Variants in KRABD3 observed in about 807,000 individuals in gnomAD.
KRABD3 encodes KRAB domain-containing protein 3.
At chr7:149,722,987 T>A in the KRABD3 span, 1 of 1,502,872 alleles carries the variant, frequency 6.7e-7, no homozygotes, top group Non-Finnish European at 8.9e-7. Flanking sequence ...CTGAGGTCTC[T>A]GAAGCTTGGT....
chr7:149,726,157 C>T, the KRABD3 span: 2 of 1,133,430 alleles, frequency 1.8e-6, no homozygotes, highest in Non-Finnish European at 1.2e-6. Context: ...ACCCCCATGC[C>T]CGTGCTGGGA....
chr7:149,733,982 C>G, the KRABD3 span: 1 of 1,609,672 alleles, frequency 6.2e-7, no homozygotes, highest in South Asian at 1.1e-5. Flanking sequence ...GGGAGGAGTG[C>G]AGAGGGCCCT....
chr7:149,722,639 G>C, the KRABD3 span: 1 of 1,497,206 alleles, frequency 6.7e-7, no homozygotes, highest in Non-Finnish European at 9.1e-7. Flanking sequence ...CGCCGCCTGG[G>C]CCTGGTGGCA....
At chr7:149,728,817 G>A in the KRABD3 span, 1 of 933,382 alleles carries the variant, frequency 1.1e-6, no homozygotes, top group Non-Finnish European at 1.6e-6. Context: ...TTGGAGGCCA[G>A]AAAGCCAGAT....
At chr7:149,722,472 G>T in the KRABD3 span, 4 of 1,607,834 alleles carry the variant, frequency 2.5e-6, no homozygotes, top group Non-Finnish European at 3.4e-6. Context: ...AGGAGCCCTG[G>T]GCGGGGAGCC....
the KRABD3 span, chr7:149,733,199 G>C: frequency 6.3e-7 from 1 of 1,591,546 alleles, no homozygotes; most frequent in Non-Finnish European, 8.6e-7. Flanking sequence ...CCTTGCTCTG[G>C]TTTTAGCCAA....
the KRABD3 span, chr7:149,721,048 A>T: frequency 6.3e-7 from 1 of 1,587,184 alleles, no homozygotes; most frequent in Non-Finnish European, 8.6e-7. Context: ...ATGATGAAGC[A>T]CAAGTCCACG....
chr7:149,733,310 G>A, the KRABD3 span: 14 of 1,612,416 alleles, frequency 8.7e-6, no homozygotes, highest in Non-Finnish European at 1.2e-5. Flanking sequence ...TGTGTTGCCA[G>A]CCTCCTCCCT....
chr7:149,721,526 C>G, the KRABD3 span: 1 of 1,611,594 alleles, frequency 6.2e-7, no homozygotes, highest in East Asian at 2.2e-5. Context: ...GGGAAGTCCT[C>G]TCCCCATCAG....
At chr7:149,725,441 C>G in the KRABD3 span, 1 of 1,612,532 alleles carries the variant, frequency 6.2e-7, no homozygotes, top group Non-Finnish European at 8.5e-7. Flanking sequence ...CCAGGAGACT[C>G]TAGGTCTCAG....
the KRABD3 span, chr7:149,728,607 C>T: frequency 3.1e-6 from 5 of 1,613,758 alleles, no homozygotes; most frequent in African/African-American, 4.0e-5. Context: ...CCTGCCTGGC[C>T]CTGCTCCTCA....
chr7:149,728,944 C>A, the KRABD3 span, among the ~76,000 whole-genome samples: 1 of 152,230 alleles, frequency 6.6e-6, no homozygotes, highest in Non-Finnish European at 1.5e-5. Context: ...GCCGTGCCAG[C>A]CCCACGAGCC....
the KRABD3 span, chr7:149,722,658 G>A: frequency 2.1e-4 from 303 of 1,473,800 alleles, no homozygotes; most frequent in Non-Finnish European, 2.6e-4. Flanking sequence ...CAGCTCCACC[G>A]GGCAGGCCTT....
the KRABD3 span, among the ~76,000 whole-genome samples, chr7:149,719,021 G>A: frequency 2.0e-5 from 3 of 152,182 alleles, no homozygotes; most frequent in Non-Finnish European, 4.4e-5. This position sits in a 1 kb window ranked among gnomAD's most constrained non-coding sequence, Gnocchi z 5.6. Flanking sequence ...CAGCAAGAAT[G>A]TCTTCTCTCA....
At chr7:149,726,110 G>A in the KRABD3 span, 2 of 1,532,314 alleles carry the variant, frequency 1.3e-6, no homozygotes, top group Non-Finnish European at 1.8e-6. Flanking sequence ...GAGGACTCAA[G>A]GCCCCTTGCC....
At chr7:149,730,474 A>G in the KRABD3 span, 2 of 1,607,190 alleles carry the variant, frequency 1.2e-6, no homozygotes, top group Non-Finnish European at 1.7e-6. Flanking sequence ...CTCTGTCCCC[A>G]TGTCCTGGTG....
At chr7:149,720,271 C>T in the KRABD3 span, 1 of 952,782 alleles carries the variant, frequency 1.0e-6, no homozygotes, top group Non-Finnish European at 1.6e-6. Flanking sequence ...CCCCTCATCC[C>T]TCTGGGCTGG....
At chr7:149,721,036 G>T in the KRABD3 span, 8 of 1,598,178 alleles carry the variant, frequency 5.0e-6, no homozygotes, top group African/African-American at 4.0e-5. Context: ...TCTGCACTCC[G>T]CATGATGAAG....
chr7:149,715,287 C>T, the KRABD3 span: 2 of 1,219,896 alleles, frequency 1.6e-6, no homozygotes, highest in African/African-American at 3.1e-5. Context: ...GGGAAACCCC[C>T]TTGGCGTGGC....
Sources: gnomAD v4.1 joint callset for allele counts (sites outside exome capture counted in the v4.1 genomes callset) on GRCh38, gnomAD v4.1.1 for gene constraint, Gnocchi (gnomAD v3.1) non-coding constraint, MANE v1.5 for transcripts, NCBI Gene and HGNC (gene_info 2026-07-23, HGNC 2026-07-21) for gene names.